The following ZNF451 variants were observed in gnomAD, a reference collection of about 807,000 sequenced individuals.
ZNF451 encodes E3 SUMO-protein ligase ZNF451.
A neutral mutation model predicts 107.1 loss-of-function variants in ZNF451; 80 were observed. The observed-to-expected ratio is 0.75, with a 90% confidence interval of 0.62 to 0.90. ZNF451 has a LOEUF of 0.90. Ranked by LOEUF, ZNF451 falls within the 40% of genes least tolerant of loss-of-function variation. ZNF451 has a pLI of 0.00. For missense variants in ZNF451, 1,107 were observed against 1,236.2 expected, an observed-to-expected ratio of 0.90 and a Z score of 1.57; for synonymous variants, 362 against 406.5, an observed-to-expected ratio of 0.89 and a Z score of 1.32.
At chr6:57,159,388 G>A in intron 13 of ZNF451, 1 of 985,368 alleles carries the variant, frequency 1.0e-6, no homozygotes, top group Non-Finnish European at 1.2e-6. Flanking sequence ...ATAACAGAAA[G>A]CTGTGGGTAT....
In ZNF451 at chr6:57,146,940, C is replaced by T. The variant is rs138686344; in HGVS notation, c.1005-150C>T. The T allele has an allele frequency of 1.3e-4, 82 of 634,108 alleles. No individual in the cohort carries two copies. In the East Asian group the frequency reaches 2.3e-3, roughly 18 times the overall value. 39.3% of individuals were successfully genotyped at this position (634,108 alleles called of 1,614,324 possible). A position where few individuals can be genotyped will look rare whatever the true frequency, so the allele number is the denominator to read the frequency against. On this transcript the variant is annotated intron_variant, in intron 9 of 14. Coordinates refer to ENST00000370706, the MANE Select transcript of ZNF451 (RefSeq NM_001031623.3). ...ACTCAAGTATTTTGAGATGATAGAA[C>T]ATCATTATGTCATTTGCATCTTTAT...
intron 13 of ZNF451, among the ~76,000 whole-genome samples, chr6:57,157,856 T>C (rs1348118104): frequency 1.3e-5 from 2 of 152,114 alleles, no homozygotes; most frequent in Non-Finnish European, 2.9e-5. Flanking sequence ...CACTTAAATG[T>C]TGAAAGAAAA....
At chr6:57,110,018 C>T (rs1830040121) in intron 3 of ZNF451, among the ~76,000 whole-genome samples, 1 of 152,072 alleles carries the variant, frequency 6.6e-6, no homozygotes, top group Non-Finnish European at 1.5e-5. Flanking sequence ...GGAAGAATGC[C>T]TGTGGTGATG....
intron 7 of ZNF451, among the ~76,000 whole-genome samples, chr6:57,139,176 A>C (rs1831627833): frequency 6.6e-6 from 1 of 152,032 alleles, no homozygotes; most frequent in Non-Finnish European, 1.5e-5. Flanking sequence ...TCTGTGTGGC[A>C]CTCATCAAAT....
At chr6:57,098,436 G>A (rs188630915) in intron 2 of ZNF451, among the ~76,000 whole-genome samples, 1 of 152,112 alleles carries the variant, frequency 6.6e-6, no homozygotes, top group African/African-American at 2.4e-5. Context: ...ATTGTCATGT[G>A]CCTATACTGA....
At chr6:57,096,622 C>T (rs764278163) in intron 2 of ZNF451, among the ~76,000 whole-genome samples, 40 of 148,978 alleles carry the variant, frequency 2.7e-4, no homozygotes, top group Non-Finnish European at 5.0e-4. Flanking sequence ...GGTAGGGGGG[C>T]GCTTTTGTGT....
intron 2 of ZNF451, among the ~76,000 whole-genome samples, chr6:57,097,012 T>C (rs1401558849): frequency 6.6e-6 from 1 of 151,704 alleles, no homozygotes; most frequent in Non-Finnish European, 1.5e-5. Flanking sequence ...TCAAGTCATC[T>C]ACCCACCTCT....
rs397975599 is a variant in ZNF451, at chr6:57,167,182, TACACACACAC to T, written c.3140-1227_3140-1218del. Among the ~76,000 whole-genome samples, 291 of 149,930 alleles carry T rather than the reference TACACACACAC, an allele frequency of 1.9e-3. 2 individuals are homozygous for T. In the South Asian group the frequency reaches 0.025, roughly 13 times the overall value. On this transcript the variant is annotated intron_variant, in intron 14 of 14. Transcript: ENST00000370706. Reference sequence around the variant, plus strand: ...CAGACGTTGTGATTTCGTATATATATACACACACACACACACACACACATATATACATATA... The same window carrying T: ...CAGACGTTGTGATTTCGTATATATATACACACACACACATATATACATATA...
intron 5 of ZNF451, among the ~76,000 whole-genome samples, chr6:57,132,152 G>A (rs749378711): frequency 6.6e-6 from 1 of 152,184 alleles, no homozygotes; most frequent in Middle Eastern, 3.4e-3. Flanking sequence ...AAGGGGAGAG[G>A]TATCAACAAT....
At chr6:57,115,561 T>A (rs1454109403) in intron 3 of ZNF451, 1 of 152,244 alleles carries the variant, frequency 6.6e-6, no homozygotes. Context: ...GTGCATGTTT[T>A]ACCTAAAATT....
rs774311507 is a variant in ZNF451, at chr6:57,148,487, C to T, written c.2402C>T (p.Pro801Leu). 1.2e-6 allele frequency: 2 copies of T among 1,614,088 alleles called. No individual in the cohort carries two copies. Among genetic ancestry groups the T allele is most frequent in the African/African-American group, 1.3e-5 (1 of 75,044 alleles). Residue 801 changes from proline (P) to leucine (L), a missense_variant, in exon 10 of 15, where the codon CCT becomes CTT. Transcript: ENST00000370706. Reference protein sequence around the residue: ...CGTCTKAFHDPESAQQHFHRK... With the variant: ...CGTCTKAFHDLESAQQHFHRK... ...ACCTGCACCAAAGCATTTCATGATCCTGAGAGTGCACAGCAGCATTTCCAT... is the reference window on the plus strand; with the variant it reads ...ACCTGCACCAAAGCATTTCATGATCTTGAGAGTGCACAGCAGCATTTCCAT...
At chr6:57,117,818 A>G (rs1446770389) in intron 3 of ZNF451, among the ~76,000 whole-genome samples, 1 of 152,188 alleles carries the variant, frequency 6.6e-6, no homozygotes, top group African/African-American at 2.4e-5. Flanking sequence ...TATAACTTCA[A>G]AAGTAACTTA....
chr6:57,161,130 A>G lies in ZNF451; in HGVS notation c.3117A>G (p.Gly1039=). The G allele has an allele frequency of 6.5e-7, 1 of 1,544,840 alleles. No homozygotes were observed. The highest frequency in any genetic ancestry group is 8.7e-7 in the Non-Finnish European group (1 of 1,149,886). Residue 1039 remains glycine, a synonymous_variant, in exon 14 of 15, where the codon GGA becomes GGG. Coordinates refer to ENST00000370706, the MANE Select transcript of ZNF451 (RefSeq NM_001031623.3). ...DNMGAKNTSI[G]EEFISTEDVE... is the part of the protein sequence containing the mutation. Reference sequence around the variant, plus strand: ...TGGGTGCCAAAAATACTTCAATAGGAGAAGAATTTATATCCACAGAAGGTA... The same window carrying G: ...TGGGTGCCAAAAATACTTCAATAGGGGAAGAATTTATATCCACAGAAGGTA...
intron 3 of ZNF451, among the ~76,000 whole-genome samples, chr6:57,121,241 T>C (rs1471901426): frequency 2.0e-5 from 3 of 152,200 alleles, no homozygotes; most frequent in African/African-American, 7.2e-5. Flanking sequence ...TTGATCTGTT[T>C]GTCCCTTCTT....
At chr6:57,151,287 G>A (rs779230885) in intron 11 of ZNF451, 3 of 153,336 alleles carry the variant, frequency 2.0e-5, no homozygotes, top group African/African-American at 7.3e-5. Flanking sequence ...CAGGAGAATG[G>A]TGTGAACCCA....
At chr6:57,167,749 A>T (rs1356780637) in intron 14 of ZNF451, among the ~76,000 whole-genome samples, 1 of 152,226 alleles carries the variant, frequency 6.6e-6, no homozygotes, top group Admixed American at 6.5e-5. Flanking sequence ...TTTTAGCATC[A>T]TTCCCAAGGA....
intron 3 of ZNF451, chr6:57,103,389 G>A (rs1829697144): frequency 1.0e-6 from 1 of 985,304 alleles, no homozygotes; most frequent in East Asian, 1.1e-4. Context: ...AATTTAGTCA[G>A]ATTCTTAGTG....
rs187796070 is a variant in ZNF451 at position 57,091,881 on chromosome 6, A to T, written c.105+987A>T. Among the ~76,000 whole-genome samples, 10 of 152,226 alleles carry T rather than the reference A, an allele frequency of 6.6e-5. No individual in the cohort carries two copies. The South Asian group carries it at 1.7e-3, about 25-fold the overall frequency. ...AGCATTAGGGCCATTTTGGTAATTCATTTTTGTATGGTATTTTAATAGATT... is the reference window on the plus strand; with the variant it reads ...AGCATTAGGGCCATTTTGGTAATTCTTTTTTGTATGGTATTTTAATAGATT... On this transcript the variant is annotated intron_variant, in intron 2 of 14. Transcript: ENST00000370706.
Position 57,150,807 on chromosome 6 carries a change from T to C in ZNF451, c.2697T>C (p.Phe899=), listed in dbSNP as rs768045285. The C allele has an allele frequency of 2.5e-6, 4 of 1,614,068 alleles. No individual in the cohort carries two copies. Among genetic ancestry groups the C allele is most frequent in the East Asian group, 2.2e-5 (1 of 44,838 alleles). The stretch of plus-strand genomic sequence containing the variant: ...TAGATTTTGATAACTGGTCAAACTT[T>C]TTTGGTCATCTACCAGGGCATCTAA... ...VFVDFDNWSN[F]FGHLPGHLNQ... The change falls in exon 11 of 15, where the codon TTT becomes TTC. Residue 899 remains phenylalanine, a synonymous_variant. Transcript: ENST00000370706.
Sources: gnomAD v4.1 joint callset for allele counts (sites outside exome capture counted in the v4.1 genomes callset) on GRCh38, gnomAD v4.1.1 for gene constraint, MANE v1.5 for transcripts, NCBI Gene and HGNC (gene_info 2026-07-23, HGNC 2026-07-21) for gene names.